The following BBOX1 variants were observed in gnomAD, a reference collection of about 807,000 sequenced individuals.
The protein encoded by BBOX1 is gamma-butyrobetaine hydroxylase 1.
BBOX1 carries 35 observed loss-of-function variants against 41.6 expected under a neutral mutation model. The ratio of observed to expected loss-of-function variants is 0.84; its 90% confidence interval spans 0.64 to 1.11. The LOEUF (loss-of-function observed/expected upper bound fraction) is 1.11, where lower values mean the gene tolerates loss of function less well. Among genes scored for constraint, BBOX1 ranks in the 50% most tolerant of loss-of-function variants. The probability of loss-of-function intolerance (pLI) is 0.00; values close to 1 mark genes in which losing one functional copy is unlikely to be tolerated. For synonymous variants in BBOX1, 163 were observed against 154.7 expected (o/e 1.05, Z -0.40); for missense variants, 458 against 460.6 (o/e 0.99, Z 0.05).
intron 4 of BBOX1, among the ~76,000 whole-genome samples, chr11:27,090,998 A>T (rs1351279168): frequency 6.6e-6 from 1 of 151,932 alleles, no homozygotes; most frequent in African/African-American, 2.4e-5. Context: ...ATCAATTTAT[A>T]CAGTTAACAC....
intron 4 of BBOX1, among the ~76,000 whole-genome samples, chr11:27,091,734 G>A (rs1211188643): frequency 1.3e-5 from 2 of 151,908 alleles, no homozygotes; most frequent in African/African-American, 4.8e-5. Flanking sequence ...ACCAGTGGCT[G>A]GATATCACCT....
intron 4 of BBOX1, among the ~76,000 whole-genome samples, chr11:27,064,929 A>G (rs1247623536): frequency 6.6e-6 from 1 of 151,880 alleles, no homozygotes; most frequent in Non-Finnish European, 1.5e-5. Flanking sequence ...AACAAAAAAA[A>G]CATCTCAAAG....
intron 2 of BBOX1, among the ~76,000 whole-genome samples, chr11:27,043,249 G>C (rs372465345): frequency 1.1e-4 from 17 of 152,092 alleles, no homozygotes; most frequent in African/African-American, 3.9e-4. Context: ...ATTTTTAGTA[G>C]AGACGGGGTT....
At chr11:27,105,010 A>G (rs1481286923) in intron 5 of BBOX1, among the ~76,000 whole-genome samples, 2 of 152,228 alleles carry the variant, frequency 1.3e-5, no homozygotes, top group Non-Finnish European at 2.9e-5. Context: ...GCAAACTCCA[A>G]CAGACCTGCA....
At chr11:27,082,031 C>A (rs1012490815) in intron 4 of BBOX1, among the ~76,000 whole-genome samples, 4 of 152,144 alleles carry the variant, frequency 2.6e-5, no homozygotes, top group Admixed American at 2.6e-4. Flanking sequence ...ATGATAGTTT[C>A]TTTTGCTGGG....
chr11:27,051,842 GTTC>G (rs779788385), intron 2 of BBOX1, among the ~76,000 whole-genome samples: 12 of 151,762 alleles, frequency 7.9e-5, no homozygotes, highest in Non-Finnish European at 1.3e-4. Context: ...GGATTAATGT[GTTC>G]TTCTTTTTTC....
intron 4 of BBOX1, among the ~76,000 whole-genome samples, chr11:27,079,100 T>C (rs151028157): frequency 2.6e-5 from 4 of 152,188 alleles, no homozygotes; most frequent in Admixed American, 2.0e-4. Flanking sequence ...TATCTTATGT[T>C]TGAGCTCCCC....
chr11:27,118,500 A>G (rs1398771572), intron 6 of BBOX1, among the ~76,000 whole-genome samples: 1 of 152,004 alleles, frequency 6.6e-6, no homozygotes, highest in Non-Finnish European at 1.5e-5. Flanking sequence ...GGGCAGAGAT[A>G]AGGCACCACA....
At position 27,043,071 on chromosome 11, in the gene BBOX1, A is replaced by T. The variant is rs546618190; in HGVS notation, c.-39+1593A>T. Reference sequence around the variant, plus strand: ...ACTAATTTTTTATTTTTATTTATTTATTTTTTTTTTGAGACGGAGTCTCAC... The same window carrying T: ...ACTAATTTTTTATTTTTATTTATTTTTTTTTTTTTTGAGACGGAGTCTCAC... On this transcript the variant is annotated intron_variant, in intron 2 of 8. Coordinates refer to ENST00000263182, the MANE Select transcript of BBOX1 (RefSeq NM_003986.3). Among the ~76,000 whole-genome samples the T allele has an allele frequency of 4.2e-4, 63 of 150,020 alleles. 1 individual carries two copies. Among genetic ancestry groups the T allele is most frequent in the South Asian group, 1.5e-3 (7 of 4,742 alleles).
intron 4 of BBOX1, among the ~76,000 whole-genome samples, chr11:27,059,910 C>G (rs922681716): frequency 2.0e-5 from 3 of 152,136 alleles, no homozygotes; most frequent in African/African-American, 7.2e-5. Flanking sequence ...ATTTCACAGG[C>G]TTATGGGTGG....
rs200567802 is a variant in BBOX1, at chr11:27,119,823, C to T, written c.814C>T (p.Gln272Ter). 3.9e-6 allele frequency: 6 copies of T among 1,528,620 alleles called. No individual in the cohort carries two copies. The East Asian group carries it at 7.2e-5, about 18-fold the overall frequency. 94.7% of individuals were successfully genotyped at this position (1,528,620 alleles called of 1,614,324 possible). A position where few individuals can be genotyped will look rare whatever the true frequency, so the allele number is the denominator to read the frequency against. Residue 272 changes from glutamine (Q) to a stop codon, truncating the protein, a stop_gained, in exon 7 of 9, where the codon CAA (glutamine) becomes TAA (stop). Coordinates refer to ENST00000263182, the MANE Select transcript of BBOX1 (RefSeq NM_003986.3). LOFTEE classifies it high-confidence loss of function. ...IGVDYCDFSV[Q>*]SKHKIIELDD... ...AGTGGATTACTGTGATTTTTCTGTA[C>T]AATCAAAACATAAAATTATAGAGTA...
chr11:27,047,498 C>G (rs74700577), intron 2 of BBOX1, among the ~76,000 whole-genome samples: 309 of 152,174 alleles, frequency 2.0e-3, no homozygotes, highest in Middle Eastern at 6.8e-3. Context: ...CACCCCTGGA[C>G]TGGGTATTCA....
At chr11:27,095,855 T>C (rs765389182) in intron 5 of BBOX1, among the ~76,000 whole-genome samples, 8 of 151,986 alleles carry the variant, frequency 5.3e-5, no homozygotes, top group Non-Finnish European at 1.2e-4. Flanking sequence ...TGTGCAAAAG[T>C]GATACTGAAG....
intron 3 of BBOX1, among the ~76,000 whole-genome samples, chr11:27,056,773 T>G (rs898982798): frequency 6.6e-6 from 1 of 151,758 alleles, no homozygotes; most frequent in African/African-American, 2.4e-5. Context: ...ATCTCTGTCT[T>G]AAAAATTAAG....
intron 4 of BBOX1, among the ~76,000 whole-genome samples, chr11:27,058,530 A>T (rs1179492286): frequency 6.6e-6 from 1 of 152,214 alleles, no homozygotes; most frequent in Non-Finnish European, 1.5e-5. Context: ...GGAACTTTGT[A>T]GAGACTGGTT....
chr11:27,056,980 C>G (rs902579679), intron 3 of BBOX1, among the ~76,000 whole-genome samples: 1 of 143,378 alleles, frequency 7.0e-6, no homozygotes, highest in Non-Finnish European at 1.5e-5. Context: ...GCAGGGGAAT[C>G]GCTGGAACCC....
chr11:27,067,446 A>G (rs2133985051), intron 4 of BBOX1, among the ~76,000 whole-genome samples: 1 of 152,026 alleles, frequency 6.6e-6, no homozygotes, highest in African/African-American at 2.4e-5. Context: ...CCCATAGTTG[A>G]GCTCCGGGCC....
chr11:27,105,124 A>G (rs943372208), intron 5 of BBOX1, among the ~76,000 whole-genome samples: 3 of 152,166 alleles, frequency 2.0e-5, no homozygotes, highest in Non-Finnish European at 2.9e-5. Flanking sequence ...AGGTAGATCA[A>G]ACCACAAAGA....
At chr11:27,104,559 G>A (rs1858789655) in intron 5 of BBOX1, among the ~76,000 whole-genome samples, 1 of 152,096 alleles carries the variant, frequency 6.6e-6, no homozygotes, top group Admixed American at 6.6e-5. Context: ...AGGTCTTGTG[G>A]AGATTTTCGT....
Sources: allele counts gnomAD v4.1 joint callset (sites outside exome capture counted in the v4.1 genomes callset), GRCh38; gene constraint gnomAD v4.1.1; transcripts MANE v1.5; gene names NCBI Gene and HGNC (gene_info 2026-07-23, HGNC 2026-07-21).